Variants in HLCS observed in about 807,000 individuals in gnomAD.
HLCS encodes biotin--protein ligase.
A neutral mutation model predicts 75.0 loss-of-function variants in HLCS; 53 were observed. That is an observed-to-expected ratio of 0.71 (90% CI 0.57 to 0.89). HLCS has a LOEUF of 0.89. Among genes scored for constraint, HLCS ranks in the 40% least tolerant of loss-of-function variants. HLCS has a pLI of 0.00. For synonymous variants in HLCS, 431 were observed against 428.6 expected (o/e 1.01, Z -0.07); for missense variants, 966 against 1,074.0 (o/e 0.90, Z 1.41).
intron 6 of HLCS, among the ~76,000 whole-genome samples, chr21:36,816,425 G>C (rs2061666697): frequency 6.6e-6 from 1 of 152,050 alleles, no homozygotes; most frequent in East Asian, 1.9e-4. Flanking sequence ...CTGTCACTAG[G>C]CTGCTGTAGG....
intron 1 of HLCS, chr21:36,986,958 C>G (rs1196430966): frequency 6.6e-6 from 1 of 152,224 alleles, no homozygotes; most frequent in Admixed American, 6.5e-5. Context: ...TAGTATGACT[C>G]TGGACTCATG....
intron 6 of HLCS, among the ~76,000 whole-genome samples, chr21:36,786,675 GGA>G (rs1458303294): frequency 2.0e-5 from 3 of 152,166 alleles, no homozygotes; most frequent in African/African-American, 7.2e-5. Context: ...TAAAAAATCT[GGA>G]GAGGGAAAGG....
intron 1 of HLCS, among the ~76,000 whole-genome samples, chr21:36,965,548 CA>C (rs199657680): frequency 2.0e-5 from 3 of 151,190 alleles, no homozygotes; most frequent in Non-Finnish European, 2.9e-5. Flanking sequence ...AGCACTGGGT[CA>C]AAAAAAACAA....
intron 8 of HLCS, among the ~76,000 whole-genome samples, chr21:36,761,697 T>C (rs923331474): frequency 7.2e-5 from 11 of 152,298 alleles, no homozygotes; most frequent in Non-Finnish European, 1.0e-4. Flanking sequence ...TCAATAGCAC[T>C]GGGCTGAGAA....
At chr21:36,868,698 C>T (rs2063660203) in intron 6 of HLCS, among the ~76,000 whole-genome samples, 1 of 152,018 alleles carries the variant, frequency 6.6e-6, no homozygotes, top group Non-Finnish European at 1.5e-5. Context: ...CTGGCACTCA[C>T]ACTCTGGAAA....
chr21:36,908,543 C>G (rs2065562038), intron 5 of HLCS, among the ~76,000 whole-genome samples: 1 of 152,182 alleles, frequency 6.6e-6, no homozygotes, highest in East Asian at 1.9e-4. Flanking sequence ...ACACACTTCT[C>G]ATATGACCGA....
At chr21:36,909,942 C>T (rs144331196) in intron 5 of HLCS, among the ~76,000 whole-genome samples, 2 of 152,276 alleles carry the variant, frequency 1.3e-5, no homozygotes, top group East Asian at 3.9e-4. Flanking sequence ...TGCCTCATTG[C>T]AAATAATAAG....
At chr21:36,979,373 G>C (rs1446861050) in intron 1 of HLCS, among the ~76,000 whole-genome samples, 4 of 152,100 alleles carry the variant, frequency 2.6e-5, no homozygotes, top group Non-Finnish European at 5.9e-5. Context: ...GAAAGACTAT[G>C]GTGGGAGAAG....
intron 6 of HLCS, among the ~76,000 whole-genome samples, chr21:36,811,831 A>G (rs2835461): frequency 0.067 from 10,186 of 152,208 alleles, 1,058 homozygotes; most frequent in African/African-American, 0.23. Context: ...TGAGGTGGCC[A>G]AAGGGTGGAG....
In HLCS at chr21:36,758,128, C is replaced by T. The variant is rs114510301; in HGVS notation, c.2237-1373G>A. ...TTTTTATTTATTTATTTTTTGGAGACGGGGTCTCACTCCAGTTGCCCAGAC... is the reference window on the plus strand; with the variant it reads ...TTTTTATTTATTTATTTTTTGGAGATGGGGTCTCACTCCAGTTGCCCAGAC... On this transcript the variant is annotated intron_variant, in intron 9 of 10. Transcript: ENST00000674895. 2.2e-3 allele frequency among the ~76,000 whole-genome samples: 340 copies of T among 152,112 alleles called. 3 individuals carry two copies. The highest frequency in any genetic ancestry group is 7.9e-3 in the African/African-American group (327 of 41,488).
chr21:36,956,751 A>T (rs933894698), intron 2 of HLCS, among the ~76,000 whole-genome samples: 7 of 151,952 alleles, frequency 4.6e-5, no homozygotes, highest in South Asian at 4.2e-4. Flanking sequence ...AATAAATAAA[A>T]AATAAATAAA....
Position 36,897,123 on chromosome 21 carries a change from C to A in HLCS, c.1629G>T (p.Arg543Ser). The change falls in exon 6 of 11, where the codon AGG (arginine) becomes AGT (serine). Residue 543 changes from arginine to serine, a missense_variant. By Grantham distance (110) the Arg-to-Ser change is moderately radical (BLOSUM62 -1). Transcript: ENST00000674895. ...LYLLSAAEEI[R>S]DPLMQWLGKH... ...TCCCAAGCCACTGCATAAGAGGATC[C>A]CTGATTTCCTGTGTCATAAAGAAAG... 6.2e-7 allele frequency: 1 copy of A among 1,614,028 alleles called. No individual in the cohort carries two copies. The highest frequency in any genetic ancestry group is 8.5e-7 in the Non-Finnish European group (1 of 1,180,006).
chr21:36,862,385 GC>G (rs922107398), intron 6 of HLCS, among the ~76,000 whole-genome samples: 1 of 152,154 alleles, frequency 6.6e-6, no homozygotes, highest in Non-Finnish European at 1.5e-5. Flanking sequence ...CAAAGCAGCT[GC>G]CCCATTTTAC....
intron 7 of HLCS, 46 bp downstream of exon 7, chr21:36,767,172 G>A (rs1321103556): frequency 6.3e-7 from 1 of 1,584,804 alleles, no homozygotes; most frequent in Non-Finnish European, 8.7e-7. Flanking sequence ...GAGTTGCAGA[G>A]TTTAGAAAAC....
At chr21:36,786,512 T>C (rs1232026428) in intron 6 of HLCS, among the ~76,000 whole-genome samples, 2 of 152,160 alleles carry the variant, frequency 1.3e-5, no homozygotes, top group African/African-American at 4.8e-5. Context: ...TGGGCTTTAA[T>C]GAGTAAGGGA....
At chr21:36,853,324 A>G (rs1033809385) in intron 6 of HLCS, among the ~76,000 whole-genome samples, 12 of 152,178 alleles carry the variant, frequency 7.9e-5, no homozygotes, top group Non-Finnish European at 1.6e-4. Flanking sequence ...GTGACAAAGA[A>G]AGGGAGAGCA....
chr21:36,802,246 C>T (rs1337055761), intron 6 of HLCS, among the ~76,000 whole-genome samples: 1 of 152,050 alleles, frequency 6.6e-6, no homozygotes, highest in African/African-American at 2.4e-5. Flanking sequence ...AAGATTGCAG[C>T]ATAAGGGGAA....
intron 6 of HLCS, among the ~76,000 whole-genome samples, chr21:36,830,975 G>A (rs1426060414): frequency 6.6e-6 from 1 of 151,978 alleles, no homozygotes; most frequent in African/African-American, 2.4e-5. Context: ...CTTCATCATT[G>A]TCATCCTCCA....
Position 36,944,963 on chromosome 21 carries a change from ACAAAAAATTAGC to A in HLCS, c.331-5981_331-5970del, listed in dbSNP as rs557088498. On this transcript the variant is annotated intron_variant, in intron 2 of 10. Transcript: ENST00000674895. ...GTGAAACCCTGTCTCTACTAAAAAT[ACAAAAAATTAGC>A]CAGGCATGGTGACAGGCGCCTGTAG... 2.6e-5 allele frequency among the ~76,000 whole-genome samples: 4 copies of A among 152,254 alleles called. No individual in the cohort carries two copies. The South Asian group carries it at 8.3e-4, about 32-fold the overall frequency.
Sources: gnomAD v4.1 joint callset for allele counts (sites outside exome capture counted in the v4.1 genomes callset) on GRCh38, gnomAD v4.1.1 for gene constraint, MANE v1.5 for transcripts, NCBI Gene and HGNC (gene_info 2026-07-23, HGNC 2026-07-21) for gene names.